The following TAFA1 variants were observed in gnomAD, a reference collection of about 807,000 sequenced individuals.
TAFA1 encodes the protein chemokine-like protein TAFA-1.
In TAFA1, 4 loss-of-function variants were observed where a neutral mutation model predicts 18.5. The ratio of observed to expected loss-of-function variants is 0.22; its 90% CI spans 0.11 to 0.49. The LOEUF (loss-of-function observed/expected upper bound fraction) is 0.49, where lower values mean the gene tolerates loss of function less well. Ranked by LOEUF, TAFA1 falls within the 20% of genes least tolerant of loss-of-function variation. The probability of loss-of-function intolerance (pLI) is 0.98; values close to 1 mark genes in which losing one functional copy is unlikely to be tolerated. For missense variants in TAFA1, 147 were observed against 169.0 expected, an observed-to-expected ratio of 0.87 and a Z score of 0.72; for synonymous variants, 56 against 55.2, an observed-to-expected ratio of 1.01 and a Z score of -0.06.
intron 3 of TAFA1, among the ~76,000 whole-genome samples, chr3:68,537,250 C>T (rs1196377520): frequency 3.3e-5 from 5 of 152,046 alleles, no homozygotes; most frequent in Admixed American, 6.6e-5. Flanking sequence ...GATGAAAAAT[C>T]AATGGGCAAA....
At chr3:68,008,824 G>A (rs1018312233) in intron 2 of TAFA1, among the ~76,000 whole-genome samples, 2 of 152,150 alleles carry the variant, frequency 1.3e-5, no homozygotes, top group East Asian at 1.9e-4. Flanking sequence ...GGCAGGGCTC[G>A]GGGCTGGCCA....
chr3:68,314,384 C>T (rs1282216892), intron 2 of TAFA1, among the ~76,000 whole-genome samples: 1 of 152,134 alleles, frequency 6.6e-6, no homozygotes, highest in Non-Finnish European at 1.5e-5. Flanking sequence ...TACAGAGTTA[C>T]AGCAAAGTCA....
chr3:68,466,065 T>G (rs1374490423), intron 3 of TAFA1, among the ~76,000 whole-genome samples: 4 of 152,310 alleles, frequency 2.6e-5, no homozygotes, highest in South Asian at 2.1e-4. Context: ...TTGAACTTGT[T>G]GCTAAATATT....
intron 2 of TAFA1, among the ~76,000 whole-genome samples, chr3:68,124,803 G>A (rs1236497671): frequency 1.3e-5 from 2 of 152,170 alleles, no homozygotes; most frequent in Non-Finnish European, 2.9e-5. Flanking sequence ...TCTGAAATCT[G>A]CTCATTCACT....
At chr3:68,169,919 G>C (rs994572505) in intron 2 of TAFA1, among the ~76,000 whole-genome samples, 1 of 152,128 alleles carries the variant, frequency 6.6e-6, no homozygotes, top group Non-Finnish European at 1.5e-5. Flanking sequence ...GATATTGGCA[G>C]TTTAGAAAGA....
intron 2 of TAFA1, among the ~76,000 whole-genome samples, chr3:68,341,549 A>G (rs1171274648): frequency 2.6e-5 from 4 of 152,350 alleles, no homozygotes; most frequent in African/African-American, 9.6e-5. Flanking sequence ...TTAGTCGTAC[A>G]AAGGCAGACT....
At chr3:68,110,159 G>A (rs2065247702) in intron 2 of TAFA1, among the ~76,000 whole-genome samples, 1 of 152,092 alleles carries the variant, frequency 6.6e-6, no homozygotes, top group South Asian at 2.1e-4. Context: ...TCCAGTGGGT[G>A]TTGTTTCCCC....
At chr3:68,501,887 G>T (rs1046266534) in intron 3 of TAFA1, among the ~76,000 whole-genome samples, 20 of 152,182 alleles carry the variant, frequency 1.3e-4, no homozygotes, top group Admixed American at 2.0e-4. Flanking sequence ...ATAGAGACGT[G>T]TAGTGTGGAC....
chr3:68,061,491 A>G (rs983811499), intron 2 of TAFA1, among the ~76,000 whole-genome samples: 3 of 152,182 alleles, frequency 2.0e-5, no homozygotes, highest in Non-Finnish European at 2.9e-5. Context: ...GCAGGGATAC[A>G]AGGTCTGAGT....
chr3:68,432,873 C>T (rs1323472948), intron 3 of TAFA1, among the ~76,000 whole-genome samples: 1 of 151,950 alleles, frequency 6.6e-6, no homozygotes, highest in African/African-American at 2.4e-5. Context: ...GGTTGACTTA[C>T]CCCTGACTTT....
At chr3:68,402,420 C>T (rs1460147186) in intron 2 of TAFA1, among the ~76,000 whole-genome samples, 2 of 152,152 alleles carry the variant, frequency 1.3e-5, no homozygotes, top group African/African-American at 2.4e-5. Flanking sequence ...ACTTATTTAT[C>T]ATCTTGATAA....
At chr3:68,307,728 A>G (rs1003192950) in intron 2 of TAFA1, among the ~76,000 whole-genome samples, 2 of 152,184 alleles carry the variant, frequency 1.3e-5, no homozygotes, top group East Asian at 1.9e-4. Flanking sequence ...TTCTTGATTT[A>G]GCATATTAGT....
intron 3 of TAFA1, among the ~76,000 whole-genome samples, chr3:68,444,489 C>T (rs576640745): frequency 6.6e-6 from 1 of 152,222 alleles, no homozygotes; most frequent in African/African-American, 2.4e-5. Flanking sequence ...CTGAGCTTTC[C>T]AGTAACAATG....
chr3:68,245,941 G>T (rs919711354), intron 2 of TAFA1, among the ~76,000 whole-genome samples: 1 of 152,170 alleles, frequency 6.6e-6, no homozygotes, highest in Non-Finnish European at 1.5e-5. Context: ...AGCGGGTATG[G>T]TATAAGACAC....
intron 2 of TAFA1, among the ~76,000 whole-genome samples, chr3:68,115,293 A>T (rs1575624137): frequency 6.6e-6 from 1 of 152,346 alleles, no homozygotes; most frequent in East Asian, 1.9e-4. Flanking sequence ...AGAGAGAGGC[A>T]TCATGGGAGT....
chr3:68,334,141 A>C (rs1434121834), intron 2 of TAFA1, among the ~76,000 whole-genome samples: 5 of 152,204 alleles, frequency 3.3e-5, no homozygotes, highest in Admixed American at 6.5e-5. Context: ...GTAAATGGTA[A>C]GCTTATGACA....
intron 2 of TAFA1, among the ~76,000 whole-genome samples, chr3:68,370,445 T>G: frequency 1.3e-5 from 1 of 77,546 alleles, no homozygotes; most frequent in Non-Finnish European, 2.4e-5. Context: ...TATATACATA[T>G]GTATATATAT....
At chr3:68,089,234 C>A (rs2065004867) in intron 2 of TAFA1, among the ~76,000 whole-genome samples, 1 of 152,058 alleles carries the variant, frequency 6.6e-6, no homozygotes, top group Admixed American at 6.6e-5. Flanking sequence ...GATCGTAAGG[C>A]AATTAATCTT....
intron 2 of TAFA1, among the ~76,000 whole-genome samples, chr3:68,238,736 CATA>C (rs1443044816): frequency 6.6e-6 from 1 of 152,078 alleles, no homozygotes; most frequent in African/African-American, 2.4e-5. Context: ...TTCAGATAAT[CATA>C]ATATTTAAAC....
Sources: allele counts gnomAD v4.1 joint callset (sites outside exome capture counted in the v4.1 genomes callset), GRCh38; gene constraint gnomAD v4.1.1; transcripts MANE v1.5; gene names NCBI Gene and HGNC (gene_info 2026-07-23, HGNC 2026-07-21).